NRSN1: variants seen among roughly 807,000 people sequenced by gnomAD.
The protein encoded by NRSN1 is neurensin 1, also known as neurensin-1.
A neutral mutation model predicts 17.3 loss-of-function variants in NRSN1; 14 were observed. The observed-to-expected ratio is 0.81, with a 90% CI of 0.54 to 1.27. The LOEUF is 1.27. Ranked by LOEUF, NRSN1 falls within the 50% of genes most tolerant of loss-of-function variation. The pLI is 0.00. For missense variants in NRSN1, 209 were observed against 235.9 expected (o/e 0.89, Z 0.75); for synonymous variants, 79 against 94.2 (o/e 0.84, Z 0.93).
intron 3 of NRSN1, among the ~76,000 whole-genome samples, chr6:24,139,484 G>A (rs954606707): frequency 1.3e-5 from 2 of 152,198 alleles, no homozygotes; most frequent in Non-Finnish European, 2.9e-5. Context: ...TGACTGTGAG[G>A]AACAATTTCA....
intron 2 of NRSN1, chr6:24,129,533 A>T (rs562612772): frequency 1.2e-4 from 18 of 152,360 alleles, no homozygotes; most frequent in African/African-American, 2.2e-4. Context: ...CACATAGAAT[A>T]TCAGATAGTA....
Position 24,134,308 on chromosome 6 carries a change from T to A in NRSN1, c.-9-11T>A. ...CTGTGGCATTAATCCATGTGGATGT[T>A]GTCATTCCAGCTGGGAAGGATGAGT... On this transcript the variant is annotated splice_polypyrimidine_tract_variant and intron_variant, in intron 2 of 3. Transcript: ENST00000378491. 1 of 1,611,162 alleles carries A rather than the reference T, an allele frequency of 6.2e-7. No homozygotes were observed. The highest frequency in any genetic ancestry group is 2.2e-5 in the East Asian group (1 of 44,868).
At chr6:24,131,756 C>A (rs535454770) in intron 2 of NRSN1, among the ~76,000 whole-genome samples, 1 of 152,288 alleles carries the variant, frequency 6.6e-6, no homozygotes, top group African/African-American at 2.4e-5. Context: ...TAATCATCTT[C>A]ATTGTATAAG....
intron 3 of NRSN1, chr6:24,141,102 G>A: frequency 7.2e-7 from 1 of 1,379,868 alleles, no homozygotes; most frequent in Non-Finnish European, 9.4e-7. Context: ...GAGCCTGGAG[G>A]AGGACCCTTC....
intron 2 of NRSN1, chr6:24,128,886 A>G (rs1759990259): frequency 6.6e-6 from 1 of 152,246 alleles, no homozygotes; most frequent in South Asian, 2.1e-4. Flanking sequence ...TGTCACAGGA[A>G]AACACTCATA....
chr6:24,142,213 T>TTTTTTTTTTTTTTTTTTTTTTTATTTC (rs957826257), intron 3 of NRSN1, among the ~76,000 whole-genome samples: 1 of 132,540 alleles, frequency 7.5e-6, no homozygotes, highest in Non-Finnish European at 1.6e-5. Flanking sequence ...TTTTTTTTTT[T>TTTTTTTTTTTTTTTTTTTTTTTATTTC]TCAGAAGACA....
intron 3 of NRSN1, among the ~76,000 whole-genome samples, chr6:24,138,812 A>G (rs1760154529): frequency 6.6e-6 from 1 of 152,174 alleles, no homozygotes; most frequent in African/African-American, 2.4e-5. Flanking sequence ...TTAGTTTTAT[A>G]CTAGAGATGA....
chr6:24,127,157 G>A (rs2113709871), intron 1 of NRSN1, among the ~76,000 whole-genome samples: 1 of 152,282 alleles, frequency 6.6e-6, no homozygotes, highest in Admixed American at 6.5e-5. Flanking sequence ...AGAGGAGAAT[G>A]TAGTGAATTT....
chr6:24,135,440 T>C (rs1330610636), intron 3 of NRSN1, among the ~76,000 whole-genome samples: 2 of 151,800 alleles, frequency 1.3e-5, no homozygotes, highest in African/African-American at 4.8e-5. Context: ...CTGGTTGGAG[T>C]GGGGTGAGAA....
rs1760297791 is a variant in NRSN1 at position 24,145,989 on chromosome 6, G to A, written c.*43G>A. The A allele has an allele frequency of 3.8e-6, 6 of 1,565,402 alleles. No homozygotes were observed. The highest frequency in any genetic ancestry group is 5.2e-6 in the Non-Finnish European group (6 of 1,154,516). On this transcript the variant is annotated 3_prime_UTR_variant, in exon 4 of 4. Transcript: ENST00000378491. This position sits in a 1 kb window ranked among gnomAD's most constrained non-coding sequence, Gnocchi z 4.4. Reference sequence around the variant, plus strand: ...TTCTTCTTGTCTGATTTATGCCCGTGGTTAAAAAGAGCAGGCCAGTTTTCG... The same window carrying A: ...TTCTTCTTGTCTGATTTATGCCCGTAGTTAAAAAGAGCAGGCCAGTTTTCG...
rs35922116 is a variant in NRSN1 at position 24,136,543 on chromosome 6, CA to C, written c.189+2039del. ...TGTGGGTGGTTGTTTCCCTATTTGTCAAAAAAAAAAAAGCATTTGCCTGACA... is the reference window on the plus strand; with the variant it reads ...TGTGGGTGGTTGTTTCCCTATTTGTCAAAAAAAAAAAGCATTTGCCTGACA... On this transcript the variant is annotated intron_variant, in intron 3 of 3. Transcript: ENST00000378491. Among the ~76,000 whole-genome samples the C allele has an allele frequency of 4.1e-3, 573 of 141,196 alleles. 2 individuals carry two copies. The highest frequency in any genetic ancestry group is 0.011 in the African/African-American group (412 of 38,198). 92.6% of individuals were successfully genotyped at this position (141,196 alleles called of 152,430 possible).
At chr6:24,138,365 T>C (rs965594573) in intron 3 of NRSN1, among the ~76,000 whole-genome samples, 4 of 152,160 alleles carry the variant, frequency 2.6e-5, no homozygotes, top group Non-Finnish European at 5.9e-5. Context: ...AATCAGGCTA[T>C]GGTGGAATTT....
chr6:24,134,282 C>T (rs1328034834), intron 2 of NRSN1, 37 bp from the exon 3 acceptor site: 1 of 1,559,148 alleles, frequency 6.4e-7, no homozygotes, highest in East Asian at 2.2e-5. Flanking sequence ...GTGGCCAAAG[C>T]CTGTGGCATT....
chr6:24,142,212 T>TTTTTTTTTTTC (rs1484150562), intron 3 of NRSN1, among the ~76,000 whole-genome samples: 61 of 134,560 alleles, frequency 4.5e-4, no homozygotes, highest in Non-Finnish European at 5.8e-4. Flanking sequence ...TTTTTTTTTT[T>TTTTTTTTTTTC]TTCAGAAGAC....
rs756083641 is a variant in NRSN1, at chr6:24,134,292, T to C, written c.-9-27T>C. On this transcript the variant is annotated intron_variant, in intron 2 of 3. Coordinates refer to ENST00000378491, the MANE Select transcript of NRSN1 (RefSeq NM_080723.5). The stretch of plus-strand genomic sequence containing the variant: ...ATCCTGTGGCCAAAGCCTGTGGCAT[T>C]AATCCATGTGGATGTTGTCATTCCA... The C allele has an allele frequency of 3.8e-6, 6 of 1,596,744 alleles. No homozygotes were observed. In the East Asian group the frequency reaches 1.1e-4, roughly 30 times the overall value.
At chr6:24,134,040 G>GTGTGTGT (rs1052218749) in intron 2 of NRSN1, among the ~76,000 whole-genome samples, 1 of 151,004 alleles carries the variant, frequency 6.6e-6, no homozygotes, top group Non-Finnish European at 1.5e-5. Flanking sequence ...GTGTGTGTGT[G>GTGTGTGT]TTTTTAGTAG....
At chr6:24,140,887 T>C in intron 3 of NRSN1, 1 of 1,298,168 alleles carries the variant, frequency 7.7e-7, no homozygotes, top group Non-Finnish European at 9.8e-7. Flanking sequence ...GGCATATAAA[T>C]AAGTTCTCTT....
chr6:24,141,050 T>C (rs1390085340), intron 3 of NRSN1: 1 of 1,471,978 alleles, frequency 6.8e-7, no homozygotes, highest in Admixed American at 2.4e-5. Flanking sequence ...CTGTCGCCAT[T>C]GGGATTGGCC....
chr6:24,146,720 A>G lies in NRSN1; in HGVS notation c.*774A>G, dbSNP rs1760312871. The G allele has an allele frequency of 6.5e-6, 1 of 153,450 alleles. No individual in the cohort carries two copies. The highest frequency in any genetic ancestry group is 2.0e-4 in the South Asian group (1 of 4,908). The allele number at this position is 153,450 out of a possible 1,614,324, so 9.5% of individuals were successfully genotyped here. A position where few individuals can be genotyped will look rare whatever the true frequency, so the allele number is the denominator to read the frequency against. ...TTTAGAGGCAGGATCTTGCTGTCCA[A>G]TTTTTTTTAAAAAGCTAAAATTGCC... On this transcript the variant is annotated 3_prime_UTR_variant, in exon 4 of 4. Coordinates refer to ENST00000378491, the MANE Select transcript of NRSN1 (RefSeq NM_080723.5).
Sources: allele counts gnomAD v4.1 joint callset (sites outside exome capture counted in the v4.1 genomes callset), GRCh38; gene constraint gnomAD v4.1.1; non-coding constraint Gnocchi (gnomAD v3.1); transcripts MANE v1.5; gene names NCBI Gene and HGNC (gene_info 2026-07-23, HGNC 2026-07-21).